The following CSMD1 variants were observed in gnomAD, a reference collection of about 807,000 sequenced individuals.
CSMD1 encodes the protein CUB and Sushi multiple domains 1, also known as CUB and sushi domain-containing protein 1.
A neutral mutation model predicts 417.5 loss-of-function variants in CSMD1; 213 were observed. The ratio of observed to expected loss-of-function variants is 0.51; its 90% confidence interval spans 0.46 to 0.57. CSMD1 has a LOEUF of 0.57. CSMD1 is among the 20% of genes least tolerant of loss of function. The pLI is 0.00. For missense variants in CSMD1, 6,923 were observed against 4,529.7 expected, an observed-to-expected ratio of 1.53 and a Z score of -15.17; for synonymous variants, 2,862 against 1,736.8, an observed-to-expected ratio of 1.65 and a Z score of -16.11.
At chr8:3,653,217 T>G (rs1452269983) in intron 7 of CSMD1, among the ~76,000 whole-genome samples, 8 of 152,068 alleles carry the variant, frequency 5.3e-5, no homozygotes. Flanking sequence ...TTTCCAAACT[T>G]TTCTTATTTT....
At chr8:3,495,010 G>A (rs1390688345) in intron 10 of CSMD1, among the ~76,000 whole-genome samples, 1 of 152,078 alleles carries the variant, frequency 6.6e-6, no homozygotes, top group East Asian at 1.9e-4. Flanking sequence ...CATTACATTT[G>A]CTACTTGAAA....
At chr8:3,212,723 T>A (rs1797685170) in intron 30 of CSMD1, among the ~76,000 whole-genome samples, 1 of 152,140 alleles carries the variant, frequency 6.6e-6, no homozygotes, top group Non-Finnish European at 1.5e-5. Flanking sequence ...TTAAAAGGTT[T>A]CAGGATCATA....
chr8:3,720,624 C>CACACACACAG (rs1802101003), intron 6 of CSMD1, among the ~76,000 whole-genome samples: 1 of 149,706 alleles, frequency 6.7e-6, no homozygotes, highest in Non-Finnish European at 1.5e-5. Flanking sequence ...TATTCTTACA[C>CACACACACAG]ACACACACAC....
intron 59 of CSMD1, among the ~76,000 whole-genome samples, chr8:2,965,399 T>C (rs775286139): frequency 2.0e-5 from 3 of 152,134 alleles, no homozygotes; most frequent in Non-Finnish European, 2.9e-5. Flanking sequence ...CCAACCTGCC[T>C]CTAAATTCCT....
intron 59 of CSMD1, among the ~76,000 whole-genome samples, chr8:2,963,882 C>T (rs566705466): frequency 4.6e-5 from 7 of 152,174 alleles, no homozygotes; most frequent in African/African-American, 1.7e-4. Flanking sequence ...TTTAGAAATG[C>T]CTGAATGGTT....
At chr8:4,516,873 T>G (rs953783636) in intron 2 of CSMD1, among the ~76,000 whole-genome samples, 4 of 152,118 alleles carry the variant, frequency 2.6e-5, no homozygotes, top group Non-Finnish European at 5.9e-5. Flanking sequence ...ATACTAGCTC[T>G]AGGGTGAATA....
At chr8:3,417,195 C>T (rs999232500) in intron 12 of CSMD1, among the ~76,000 whole-genome samples, 1 of 152,146 alleles carries the variant, frequency 6.6e-6, no homozygotes, top group Non-Finnish European at 1.5e-5. Flanking sequence ...CAAGTTATCA[C>T]AAAATAGATG....
At chr8:4,541,291 G>C (rs914735997) in intron 2 of CSMD1, among the ~76,000 whole-genome samples, 2 of 152,134 alleles carry the variant, frequency 1.3e-5, no homozygotes, top group African/African-American at 4.8e-5. Flanking sequence ...ACTGGCACGT[G>C]CTGATCATAA....
intron 2 of CSMD1, among the ~76,000 whole-genome samples, chr8:4,635,976 T>C (rs1585368971): frequency 6.6e-6 from 1 of 152,072 alleles, no homozygotes; most frequent in African/African-American, 2.4e-5. Context: ...TGAAAGTGGG[T>C]GAAAAAATGC....
At chr8:3,867,579 G>A (rs960653737) in intron 5 of CSMD1, among the ~76,000 whole-genome samples, 1 of 152,044 alleles carries the variant, frequency 6.6e-6, no homozygotes, top group Non-Finnish European at 1.5e-5. Context: ...GAACTGTGTG[G>A]ATATCTGAAA....
chr8:4,186,744 T>C (rs188513697), intron 3 of CSMD1, among the ~76,000 whole-genome samples: 26 of 151,740 alleles, frequency 1.7e-4, no homozygotes, highest in African/African-American at 5.8e-4. Flanking sequence ...CCCAGCAATT[T>C]GGGAAGCTGA....
At chr8:3,386,632 C>A (rs562318120) in intron 18 of CSMD1, among the ~76,000 whole-genome samples, 1 of 152,270 alleles carries the variant, frequency 6.6e-6, no homozygotes, top group Non-Finnish European at 1.5e-5. Context: ...AAGGAAATAC[C>A]TTTGTCTGTG....
At chr8:4,006,707 C>G (rs964155089) in intron 4 of CSMD1, among the ~76,000 whole-genome samples, 13 of 152,028 alleles carry the variant, frequency 8.6e-5, no homozygotes, top group African/African-American at 2.9e-4. Flanking sequence ...GTCAGAATAT[C>G]TGATTTCTAT....
At chr8:4,968,373 A>G (rs1157221748) in intron 1 of CSMD1, among the ~76,000 whole-genome samples, 2 of 151,688 alleles carry the variant, frequency 1.3e-5, no homozygotes, top group South Asian at 2.1e-4. Context: ...CTTTTTCCTT[A>G]CCCCCAACAG....
chr8:3,881,682 AC>A (rs753261474), intron 5 of CSMD1, among the ~76,000 whole-genome samples: 2 of 152,008 alleles, frequency 1.3e-5, no homozygotes, highest in African/African-American at 4.8e-5. Flanking sequence ...ACAAAAAAAA[AC>A]AATTTGGAAA....
chr8:3,671,863 C>A (rs1006110180), intron 7 of CSMD1, among the ~76,000 whole-genome samples: 2 of 151,990 alleles, frequency 1.3e-5, no homozygotes, highest in African/African-American at 4.8e-5. Flanking sequence ...CCTGTCACCA[C>A]CTCTATCACT....
At chr8:4,863,117 A>G (rs918892540) in intron 1 of CSMD1, among the ~76,000 whole-genome samples, 6 of 152,108 alleles carry the variant, frequency 3.9e-5, no homozygotes, top group African/African-American at 1.5e-4. Context: ...GGATCATGAA[A>G]AATGAAATAA....
intron 41 of CSMD1, among the ~76,000 whole-genome samples, chr8:3,121,093 A>AC (rs200882720): frequency 1.0e-5 from 1 of 96,410 alleles, no homozygotes; most frequent in East Asian, 5.7e-4. Context: ...AACAACAACA[A>AC]AAAAAAAATA....
chr8:3,033,200 C>A (rs1810460072), intron 50 of CSMD1, among the ~76,000 whole-genome samples: 2 of 151,972 alleles, frequency 1.3e-5, no homozygotes, highest in Non-Finnish European at 2.9e-5. Flanking sequence ...TTCCTGTGAC[C>A]ACACATTTTC....
Sources: gnomAD v4.1 joint callset for allele counts (sites outside exome capture counted in the v4.1 genomes callset) on GRCh38, gnomAD v4.1.1 for gene constraint, MANE v1.5 for transcripts, NCBI Gene and HGNC (gene_info 2026-07-23, HGNC 2026-07-21) for gene names.